The following THNSL1 variants were observed in gnomAD, a reference collection of about 807,000 sequenced individuals.
THNSL1 encodes threonine synthase like 1, also known as threonine synthase-like 1.
THNSL1 carries 48 observed loss-of-function variants against 50.4 expected under a neutral mutation model. That is an observed-to-expected ratio of 0.95 (90% CI 0.76 to 1.21). The LOEUF is 1.21. Among genes scored for constraint, THNSL1 ranks in the 50% most tolerant of loss-of-function variants. The probability of loss-of-function intolerance (pLI) is 0.00; values close to 1 mark genes in which losing one functional copy is unlikely to be tolerated. For missense variants in THNSL1, 896 were observed against 871.7 expected (o/e 1.03, Z -0.35); for synonymous variants, 309 against 306.1 (o/e 1.01, Z -0.10).
chr10:24,959,663 T>C, the THNSL1 span, among the ~76,000 whole-genome samples: 365 of 152,262 alleles, frequency 2.4e-3, 3 homozygotes, highest in African/African-American at 7.5e-3. Context: ...TGCAATGTAA[T>C]GCAACGTTTC....
the THNSL1 span, among the ~76,000 whole-genome samples, chr10:24,987,204 G>A: frequency 1.3e-5 from 2 of 152,188 alleles, no homozygotes; most frequent in East Asian, 3.8e-4. Flanking sequence ...AGCTCTCACT[G>A]GATTCTGACA....
chr10:24,972,517 A>AT, the THNSL1 span, among the ~76,000 whole-genome samples: 2 of 148,880 alleles, frequency 1.3e-5, no homozygotes, highest in East Asian at 1.9e-4. Flanking sequence ...CAAAAAAAAA[A>AT]AAATAAATAA....
rs763779047 is a variant in THNSL1, at chr10:25,025,471, AT to A, written c.*25del. 6.1e-5 allele frequency: 97 copies of A among 1,580,264 alleles called. No homozygotes were observed. The highest frequency in any genetic ancestry group is 1.3e-4 in the South Asian group (11 of 84,996). ...ATTCATATGAAAGCTTTCAGAGTAA[AT>A]TTTTTTTTCTAGCTATAAGCATGCA... On this transcript the variant is annotated 3_prime_UTR_variant, in exon 3 of 3. Coordinates refer to ENST00000376356, the MANE Select transcript of THNSL1 (RefSeq NM_024838.5).
At chr10:24,965,834 T>C in the THNSL1 span, among the ~76,000 whole-genome samples, 4 of 152,228 alleles carry the variant, frequency 2.6e-5, no homozygotes, top group African/African-American at 9.6e-5. Context: ...AGATTTTATA[T>C]GAGAATACAT....
At chr10:24,974,428 G>T in the THNSL1 span, among the ~76,000 whole-genome samples, 14 of 152,124 alleles carry the variant, frequency 9.2e-5, no homozygotes, top group Non-Finnish European at 1.8e-4. Context: ...TACTTTAATT[G>T]TATTTACATG....
chr10:24,988,236 A>ATATATATATATATATATGTG, the THNSL1 span, among the ~76,000 whole-genome samples: 1 of 143,430 alleles, frequency 7.0e-6, no homozygotes, highest in African/African-American at 2.6e-5. Context: ...AAAAAAATGT[A>ATATATATATATATATATGTG]TATATATATA....
In THNSL1 at chr10:25,024,890, T is replaced by C; in HGVS notation, c.1667T>C (p.Leu556Pro). ...CATTATGATCTAAGGGAAAGAAAACTAGCACAAACCTTTTCACCGTCAATA... is the reference window on the plus strand; with the variant it reads ...CATTATGATCTAAGGGAAAGAAAACCAGCACAAACCTTTTCACCGTCAATA... ...TGHYDLRERK[L>P]AQTFSPSIDI... The change falls in exon 3 of 3, where the codon CTA becomes CCA. Residue 556 changes from leucine (L) to proline (P), a missense_variant. Leu to Pro is a moderately conservative substitution (Grantham distance 98). Transcript: ENST00000376356. The C allele has an allele frequency of 6.2e-7, 1 of 1,613,926 alleles. No individual in the cohort carries two copies. Among genetic ancestry groups the C allele is most frequent in the Non-Finnish European group, 8.5e-7 (1 of 1,180,020 alleles).
the THNSL1 span, among the ~76,000 whole-genome samples, chr10:24,969,162 G>A: frequency 7.2e-5 from 11 of 152,280 alleles, no homozygotes; most frequent in South Asian, 2.3e-3. Context: ...TCGAAGTGCT[G>A]GGATTACAGG....
chr10:24,956,286 C>T, the THNSL1 span, among the ~76,000 whole-genome samples: 1 of 152,168 alleles, frequency 6.6e-6, no homozygotes, highest in East Asian at 1.9e-4. Context: ...CCTTACCCTC[C>T]TCCCGCCCTC....
chr10:24,954,423 T>TG, the THNSL1 span, among the ~76,000 whole-genome samples: 3 of 152,018 alleles, frequency 2.0e-5, no homozygotes, highest in Non-Finnish European at 4.4e-5. Context: ...AGGGCCAGAT[T>TG]GGGGGGTACC....
chr10:25,024,298 C>T lies in THNSL1; in HGVS notation c.1075C>T (p.Pro359Ser). Residue 359 changes from proline (P) to serine (S), a missense_variant, in exon 3 of 3, where the codon CCT (proline) becomes TCT (serine). By Grantham distance (74) the Pro-to-Ser change is moderately conservative. Coordinates refer to ENST00000376356, the MANE Select transcript of THNSL1 (RefSeq NM_024838.5). ...SFKDLSLQLMPHIFAHCIPPS... is the reference protein window; with the variant it reads ...SFKDLSLQLMSHIFAHCIPPS... ...TAAAGATTTGTCTTTACAGCTTATG[C>T]CTCATATTTTTGCACACTGTATCCC... is the stretch of plus-strand genomic sequence containing the variant. 1.2e-6 allele frequency: 2 copies of T among 1,614,160 alleles called. No homozygotes were observed. Among genetic ancestry groups the T allele is most frequent in the South Asian group, 2.2e-5 (2 of 91,088 alleles).
upstream of THNSL1, chr10:25,015,758 T>C: frequency 9.0e-7 from 1 of 1,110,380 alleles, no homozygotes; most frequent in Non-Finnish European, 1.2e-6. Flanking sequence ...GAGGCAAAAA[T>C]ACATTTTATT....
chr10:24,961,414 A>C, the THNSL1 span, among the ~76,000 whole-genome samples: 2 of 152,216 alleles, frequency 1.3e-5, no homozygotes, highest in African/African-American at 2.4e-5. Context: ...AACCATTTAT[A>C]TGCATTTTAA....
At chr10:24,969,305 G>T in the THNSL1 span, among the ~76,000 whole-genome samples, 1 of 152,186 alleles carries the variant, frequency 6.6e-6, no homozygotes, top group Non-Finnish European at 1.5e-5. Context: ...AGTCATGTTT[G>T]CTCAGGATGA....
At chr10:24,989,849 A>G in the THNSL1 span, among the ~76,000 whole-genome samples, 1 of 152,194 alleles carries the variant, frequency 6.6e-6, no homozygotes, top group Non-Finnish European at 1.5e-5. Flanking sequence ...GTGTTTAATT[A>G]AACGCTCATA....
At chr10:25,008,256 G>A in the THNSL1 span, among the ~76,000 whole-genome samples, 1 of 152,038 alleles carries the variant, frequency 6.6e-6, no homozygotes, top group Non-Finnish European at 1.5e-5. Flanking sequence ...AACAAAAAGA[G>A]ACTTTGGAAT....
At chr10:24,980,340 C>T in the THNSL1 span, among the ~76,000 whole-genome samples, 3 of 152,008 alleles carry the variant, frequency 2.0e-5, no homozygotes. Flanking sequence ...CCCTCTGCAA[C>T]CCTTTTCTTC....
chr10:24,954,033 G>A, the THNSL1 span, among the ~76,000 whole-genome samples: 1 of 152,180 alleles, frequency 6.6e-6, no homozygotes, highest in Non-Finnish European at 1.5e-5. Context: ...AATTGTGAGA[G>A]GGCGTTGTTT....
chr10:25,019,945 C>T (rs57734936), intron 1 of THNSL1, among the ~76,000 whole-genome samples: 2,027 of 151,702 alleles, frequency 0.013, 58 homozygotes, highest in African/African-American at 0.046. Flanking sequence ...ATATATATGC[C>T]TTCTATGTAT....
Sources: allele counts gnomAD v4.1 joint callset (sites outside exome capture counted in the v4.1 genomes callset), GRCh38; gene constraint gnomAD v4.1.1; transcripts MANE v1.5; gene names NCBI Gene and HGNC (gene_info 2026-07-23, HGNC 2026-07-21).